CPED1: variants seen among roughly 807,000 people sequenced by gnomAD.
CPED1 encodes the protein cadherin-like and PC-esterase domain-containing protein 1.
Under a neutral mutation model 128.2 loss-of-function variants are expected in CPED1, and 114 were observed. The observed-to-expected ratio is 0.89, with a 90% CI of 0.76 to 1.04. The LOEUF is 1.04. CPED1 is among the 50% of genes least tolerant of loss of function. The pLI, the probability that CPED1 is intolerant of heterozygous loss-of-function variation, is 0.00. For synonymous variants in CPED1, 462 were observed against 426.7 expected (o/e 1.08, Z -1.02); for missense variants, 1,211 against 1,207.1 (o/e 1.00, Z -0.05).
intron 18 of CPED1, among the ~76,000 whole-genome samples, chr7:121,259,737 T>C (rs1323165892): frequency 6.6e-6 from 1 of 152,024 alleles, no homozygotes; most frequent in Non-Finnish European, 1.5e-5. Flanking sequence ...CAAGCCTTTA[T>C]TTTGTTTGTC....
chr7:121,254,132 A>T (rs1456104513), intron 18 of CPED1, among the ~76,000 whole-genome samples: 1 of 152,066 alleles, frequency 6.6e-6, no homozygotes. Context: ...CACACAGAAC[A>T]TATTCTAAGA....
chr7:121,254,165 A>G (rs1410313922), intron 18 of CPED1, among the ~76,000 whole-genome samples: 2 of 152,108 alleles, frequency 1.3e-5, no homozygotes, highest in Admixed American at 6.6e-5. Flanking sequence ...TTGAACATAA[A>G]GCAAATCTCA....
chr7:121,061,435 T>A (rs1793669555), intron 4 of CPED1, among the ~76,000 whole-genome samples: 1 of 152,202 alleles, frequency 6.6e-6, no homozygotes, highest in South Asian at 2.1e-4. Flanking sequence ...AAGATCTGTA[T>A]ATATTAAAAA....
chr7:121,053,093 C>G (rs1306065674), intron 4 of CPED1, among the ~76,000 whole-genome samples: 1 of 152,090 alleles, frequency 6.6e-6, no homozygotes, highest in Non-Finnish European at 1.5e-5. Flanking sequence ...TTCCAAATAC[C>G]TTTCACTGAG....
chr7:121,116,146 G>A (rs1038306634), intron 7 of CPED1, among the ~76,000 whole-genome samples: 1 of 152,130 alleles, frequency 6.6e-6, no homozygotes, highest in African/African-American at 2.4e-5. Context: ...CTATGAAACT[G>A]ATTAAATTGT....
chr7:121,216,518 G>A (rs1339089865), intron 16 of CPED1, among the ~76,000 whole-genome samples: 3 of 151,886 alleles, frequency 2.0e-5, no homozygotes, highest in South Asian at 2.1e-4. Context: ...AAAGAATACT[G>A]GGAGGAAATT....
chr7:121,249,986 A>T (rs1354475354), intron 18 of CPED1, among the ~76,000 whole-genome samples: 2 of 152,248 alleles, frequency 1.3e-5, no homozygotes, highest in African/African-American at 4.8e-5. Context: ...AGACGTCTAC[A>T]GAACTCTCCA....
chr7:121,247,825 A>G (rs1798572499), intron 18 of CPED1, among the ~76,000 whole-genome samples: 1 of 152,138 alleles, frequency 6.6e-6, no homozygotes, highest in Non-Finnish European at 1.5e-5. Context: ...CCATCCCCCA[A>G]GTTTCCCTAT....
intron 13 of CPED1, among the ~76,000 whole-genome samples, chr7:121,134,328 CAA>C (rs1421432292): frequency 6.6e-6 from 1 of 151,932 alleles, no homozygotes; most frequent in Non-Finnish European, 1.5e-5. Context: ...AAGCCAGACA[CAA>C]AAAGATAAAA....
intron 5 of CPED1, among the ~76,000 whole-genome samples, chr7:121,082,596 G>C (rs186505179): frequency 8.5e-5 from 13 of 152,230 alleles, no homozygotes; most frequent in Admixed American, 7.2e-4. Flanking sequence ...TTATATGTCA[G>C]ACACTATGTC....
At chr7:121,260,910 T>G (rs917262137) in intron 18 of CPED1, among the ~76,000 whole-genome samples, 13 of 152,110 alleles carry the variant, frequency 8.5e-5, no homozygotes, top group South Asian at 6.2e-4. Context: ...TTTAATTTTT[T>G]TTCTTTTTCT....
At chr7:121,167,103 A>G (rs1796544409) in intron 16 of CPED1, among the ~76,000 whole-genome samples, 1 of 152,244 alleles carries the variant, frequency 6.6e-6, no homozygotes, top group African/African-American at 2.4e-5. Flanking sequence ...TTGCTGATTA[A>G]CAGCAAATGC....
intron 9 of CPED1, among the ~76,000 whole-genome samples, chr7:121,126,309 C>T (rs980583477): frequency 1.3e-5 from 2 of 151,816 alleles, no homozygotes; most frequent in Non-Finnish European, 2.9e-5. Flanking sequence ...TTTAAAAAAA[C>T]CATGGGAATT....
rs1584643423 is a variant in CPED1 at position 121,267,253 on chromosome 7, T to C, written c.2672T>C (p.Leu891Ser). 3 of 1,604,238 alleles carry C rather than the reference T, an allele frequency of 1.9e-6. No individual in the cohort carries two copies. Among genetic ancestry groups the C allele is most frequent in the Non-Finnish European group, 2.6e-6 (3 of 1,173,392 alleles). Reference protein sequence around the residue: ...LLNILVIIKTLGIGFHLPVDG... With the variant: ...LLNILVIIKTSGIGFHLPVDG... ...AATATCCTAGTGATCATCAAAACTTTGGGAATTGGATTTCATCTGCCAGTG... is the reference window on the plus strand; with the variant it reads ...AATATCCTAGTGATCATCAAAACTTCGGGAATTGGATTTCATCTGCCAGTG... The change falls in exon 21 of 23, where the codon TTG (leucine) becomes TCG (serine). Residue 891 changes from leucine to serine, a missense_variant. Leu to Ser is a moderately radical substitution (Grantham distance 145, BLOSUM62 -2). Coordinates refer to ENST00000310396, the MANE Select transcript of CPED1 (RefSeq NM_024913.5).
At chr7:121,137,066 G>A (rs1270665990) in intron 14 of CPED1, among the ~76,000 whole-genome samples, 3 of 151,432 alleles carry the variant, frequency 2.0e-5, no homozygotes, top group African/African-American at 7.3e-5. Context: ...TATGTATTTG[G>A]TGCTAAAAAT....
chr7:121,032,921 T>C (rs1042485026), intron 3 of CPED1, among the ~76,000 whole-genome samples: 2 of 152,130 alleles, frequency 1.3e-5, no homozygotes, highest in African/African-American at 4.8e-5. Flanking sequence ...ATGAAACTTG[T>C]CTTAGGCGAC....
intron 5 of CPED1, among the ~76,000 whole-genome samples, chr7:121,075,984 T>C (rs1412571245): frequency 6.6e-6 from 1 of 152,172 alleles, no homozygotes; most frequent in African/African-American, 2.4e-5. Context: ...GCTGTATTTG[T>C]ATGTGTTTGT....
chr7:121,266,909 T>C (rs150687295), intron 20 of CPED1, 101 bp downstream of exon 20: 1 of 816,756 alleles, frequency 1.2e-6, no homozygotes, highest in Non-Finnish European at 2.0e-6. Flanking sequence ...GAACAACTTA[T>C]AATTTATCAT....
At chr7:121,101,890 C>G (rs1336224274) in intron 7 of CPED1, among the ~76,000 whole-genome samples, 4 of 152,104 alleles carry the variant, frequency 2.6e-5, no homozygotes, top group Non-Finnish European at 4.4e-5. Flanking sequence ...CCAAATACCT[C>G]CCAGCAGGCC....
Sources: allele counts gnomAD v4.1 joint callset (sites outside exome capture counted in the v4.1 genomes callset), GRCh38; gene constraint gnomAD v4.1.1; transcripts MANE v1.5; gene names NCBI Gene and HGNC (gene_info 2026-07-23, HGNC 2026-07-21).